Variants in LYSMD2 observed in about 807,000 individuals in gnomAD.
LYSMD2 encodes the protein lysM and putative peptidoglycan-binding domain-containing protein 2.
A neutral mutation model predicts 17.7 loss-of-function variants in LYSMD2; 6 were observed. The ratio of observed to expected loss-of-function variants is 0.34; its 90% CI spans 0.19 to 0.67. LYSMD2 has a LOEUF of 0.67. Ranked by LOEUF, LYSMD2 falls within the 30% of genes least tolerant of loss-of-function variation. The probability of loss-of-function intolerance (pLI) is 0.69; values close to 1 mark genes in which losing one functional copy is unlikely to be tolerated. For missense variants in LYSMD2, 237 were observed against 286.7 expected (o/e 0.83, Z 1.25); for synonymous variants, 102 against 129.8 (o/e 0.79, Z 1.45).
Position 51,737,603 on chromosome 15 carries a change from G to A in LYSMD2, c.20C>T (p.Ala7Val). The A allele has an allele frequency of 1.7e-6, 2 of 1,211,726 alleles. No homozygotes were observed. Among genetic ancestry groups the A allele is most frequent in the Non-Finnish European group, 2.0e-6 (2 of 975,998 alleles). The allele number at this position is 1,211,726 out of a possible 1,614,324, so 75.1% of individuals were successfully genotyped here. ...GGGGCCGCCTTCCCGCAGGGACAGT[G>A]CGGGCGAGGAATCCGCCATGGGTCC... is the stretch of plus-strand genomic sequence containing the variant. MADSSP[A>V]LSLREGGPRA... is the part of the protein sequence containing the mutation. Residue 7 changes from alanine to valine, a missense_variant, in exon 1 of 3, where the codon GCA (alanine) becomes GTA (valine). Ala to Val is a moderately conservative substitution (Grantham distance 64). Transcript: ENST00000267838. This position sits in a 1 kb window ranked among gnomAD's most constrained non-coding sequence, Gnocchi z 4.2.
chr15:51,739,657 G>A (rs775799556), upstream of LYSMD2, among the ~76,000 whole-genome samples: 3 of 152,172 alleles, frequency 2.0e-5, no homozygotes, highest in Non-Finnish European at 4.4e-5. Context: ...AAAGAACTGA[G>A]CCAGGCGCAG....
intron 1 of LYSMD2, among the ~76,000 whole-genome samples, chr15:51,747,879 C>T (rs2622765): frequency 0.3 from 45,087 of 152,108 alleles, 8,044 homozygotes; most frequent in Non-Finnish European, 0.4. Context: ...CTCCTTTAGT[C>T]TTTATCATCC....
rs577106397 is a variant in LYSMD2 at position 51,743,727 on chromosome 15, T to C, written c.-1+7544A>G. Among the ~76,000 whole-genome samples the C allele has an allele frequency of 2.6e-5, 4 of 152,368 alleles. No homozygotes were observed. The East Asian group carries it at 7.7e-4, about 29-fold the overall frequency. On this transcript the variant is annotated intron_variant, in intron 1 of 2. Coordinates refer to the LYSMD2 transcript ENST00000454181. ...TTGTGAAGAAGTGACATCCTAGCAA[T>C]ATTGAGCCTTCCTATCTGTGAACAT... is the stretch of plus-strand genomic sequence containing the variant.
intron 1 of LYSMD2, chr15:51,751,211 T>TACTC (rs1219584140): frequency 2.9e-6 from 2 of 699,504 alleles, no homozygotes; most frequent in African/African-American, 1.7e-5. Context: ...CCAACCCAAC[T>TACTC]ACTCTCTCCT....
At chr15:51,748,507 C>CT (rs1393495689) in intron 1 of LYSMD2, among the ~76,000 whole-genome samples, 1 of 152,196 alleles carries the variant, frequency 6.6e-6, no homozygotes, top group Admixed American at 6.5e-5. Flanking sequence ...CACATTTCAT[C>CT]TTTAACACTT....
chr15:51,747,398 G>A (rs750927241), intron 1 of LYSMD2, among the ~76,000 whole-genome samples: 2 of 150,322 alleles, frequency 1.3e-5, no homozygotes, highest in Non-Finnish European at 3.0e-5. Flanking sequence ...GGCTAAGGCA[G>A]GAGAATCGCT....
chr15:51,737,716 G>T, upstream of LYSMD2: 1 of 924,702 alleles, frequency 1.1e-6, no homozygotes, highest in Non-Finnish European at 1.4e-6. This position sits in a 1 kb window ranked among gnomAD's most constrained non-coding sequence, Gnocchi z 4.2. Flanking sequence ...TCTTCACAGG[G>T]GCTGCAGCAG....
At chr15:51,741,925 A>T (rs990917219), upstream of LYSMD2, among the ~76,000 whole-genome samples, 1 of 149,978 alleles carries the variant, frequency 6.7e-6, no homozygotes, top group Non-Finnish European at 1.5e-5. Context: ...ATCTCACAAA[A>T]ATAATAATTA....
upstream of LYSMD2, among the ~76,000 whole-genome samples, chr15:51,742,027 C>G (rs1052745524): frequency 3.3e-5 from 5 of 151,264 alleles, no homozygotes; most frequent in African/African-American, 1.2e-4. Flanking sequence ...TTTGTCATCA[C>G]TCCAAAAAGA....
chr15:51,747,985 G>A lies in LYSMD2; in HGVS notation c.-1+3286C>T, dbSNP rs576522119. Among the ~76,000 whole-genome samples, 4 of 152,176 alleles carry A rather than the reference G, an allele frequency of 2.6e-5. No individual in the cohort carries two copies. In the South Asian group the frequency reaches 8.3e-4, roughly 32 times the overall value. ...TATTATTATCCTCAGTTTAAGAGAT[G>A]AAGAAGGCCGGGCCCGGTGGCTCAC... On this transcript the variant is annotated intron_variant, in intron 1 of 2. Transcript: ENST00000454181.
chr15:51,734,831 C>T (rs958666273), intron 1 of LYSMD2, among the ~76,000 whole-genome samples: 1 of 152,130 alleles, frequency 6.6e-6, no homozygotes, highest in East Asian at 1.9e-4. Context: ...TATTTTTCTG[C>T]CTTTTTAGCT....
intron 1 of LYSMD2, among the ~76,000 whole-genome samples, chr15:51,744,961 A>T (rs764955588): frequency 3.9e-5 from 6 of 152,172 alleles, no homozygotes; most frequent in Non-Finnish European, 7.4e-5. Flanking sequence ...AGAAATAAAA[A>T]GAATAATAAA....
chr15:51,735,159 G>A (rs868177371), intron 1 of LYSMD2, among the ~76,000 whole-genome samples: 54 of 150,692 alleles, frequency 3.6e-4, no homozygotes, highest in Non-Finnish European at 2.8e-4. Context: ...GGGTAACAGA[G>A]TGAGACCCTG....
In LYSMD2 at chr15:51,725,124, A is replaced by T. The variant is rs1458834045; in HGVS notation, c.274-3T>A. The stretch of plus-strand genomic sequence containing the variant: ...TTGGCCCTTTTAATCTGTTCCATCT[A>T]AAATATAAAAAAGGAGACACAGAAT... On this transcript the variant is annotated splice_region_variant and splice_polypyrimidine_tract_variant and intron_variant, in intron 1 of 2. Transcript: ENST00000267838. 1 of 1,549,804 alleles carries T rather than the reference A, an allele frequency of 6.5e-7. No homozygotes were observed. Among genetic ancestry groups the T allele is most frequent in the African/African-American group, 1.4e-5 (1 of 72,380 alleles).
In LYSMD2 at chr15:51,737,325, G is replaced by C; in HGVS notation, c.273+25C>G. The C allele has an allele frequency of 7.7e-7, 1 of 1,305,624 alleles. No individual in the cohort carries two copies. The highest frequency in any genetic ancestry group is 9.7e-7 in the Non-Finnish European group (1 of 1,026,598). The allele number at this position is 1,305,624 out of a possible 1,614,324, so 80.9% of individuals were successfully genotyped here. On this transcript the variant is annotated intron_variant, in intron 1 of 2. Transcript: ENST00000267838. The surrounding 1 kb of genome is among the most constrained non-coding windows in gnomAD (Gnocchi z 4.2). ...CTCCTGCGCGGTAGCTGCCAGCCCG[G>C]GCCGCGGCGGCGCGCCCTGCTCACC... is the stretch of plus-strand genomic sequence containing the variant.
chr15:51,741,784 G>A (rs1039632638), upstream of LYSMD2, among the ~76,000 whole-genome samples: 1 of 152,124 alleles, frequency 6.6e-6, no homozygotes, highest in South Asian at 2.1e-4. Context: ...GCCTGGTGTG[G>A]TGGCAGGTGC....
intron 1 of LYSMD2, among the ~76,000 whole-genome samples, chr15:51,731,914 C>A (rs2055579636): frequency 6.6e-6 from 1 of 152,162 alleles, no homozygotes; most frequent in Non-Finnish European, 1.5e-5. Flanking sequence ...TAAACACACC[C>A]AGGGGAATGC....
intron 1 of LYSMD2, among the ~76,000 whole-genome samples, chr15:51,744,076 G>A (rs2055655644): frequency 6.6e-6 from 1 of 152,072 alleles, no homozygotes; most frequent in South Asian, 2.1e-4. Flanking sequence ...AGATAATCAT[G>A]TTATCTATGA....
At chr15:51,724,534 C>T (rs2055523822) in intron 2 of LYSMD2, among the ~76,000 whole-genome samples, 1 of 151,716 alleles carries the variant, frequency 6.6e-6, no homozygotes, top group Non-Finnish European at 1.5e-5. Context: ...CAGGCAGCAG[C>T]TCTGTTTAGA....
Sources: allele counts gnomAD v4.1 joint callset (sites outside exome capture counted in the v4.1 genomes callset), GRCh38; gene constraint gnomAD v4.1.1; non-coding constraint Gnocchi (gnomAD v3.1); transcripts MANE v1.5; gene names NCBI Gene and HGNC (gene_info 2026-07-23, HGNC 2026-07-21).